The following C1orf53 variants were observed in gnomAD, a reference collection of about 807,000 sequenced individuals.
The protein encoded by C1orf53 is chromosome 1 open reading frame 53, also known as uncharacterized protein C1orf53.
C1orf53 carries 23 observed loss-of-function variants against 17.5 expected under a neutral mutation model. That is an observed-to-expected ratio of 1.31 (90% CI 0.94 to 1.86). The LOEUF (loss-of-function observed/expected upper bound fraction) is 1.86, where lower values mean the gene tolerates loss of function less well. C1orf53 is among the 40% of genes most tolerant of loss of function. The probability of loss-of-function intolerance (pLI) is 0.00; values close to 1 mark genes in which losing one functional copy is unlikely to be tolerated. For synonymous variants in C1orf53, 108 were observed against 81.9 expected (o/e 1.32, Z -1.72); for missense variants, 255 against 193.2 (o/e 1.32, Z -1.89).
intron 1 of C1orf53, among the ~76,000 whole-genome samples, chr1:197,903,620 A>G (rs886276439): frequency 4.1e-4 from 63 of 152,378 alleles, no homozygotes; most frequent in African/African-American, 1.4e-3. Flanking sequence ...TAATAAAGAT[A>G]GAAAAGCAGT....
At chr1:197,906,058 C>T (rs1659519842) in intron 2 of C1orf53, among the ~76,000 whole-genome samples, 161 bp downstream of exon 2, 1 of 152,224 alleles carries the variant, frequency 6.6e-6, no homozygotes, top group Non-Finnish European at 1.5e-5. Flanking sequence ...TTAGTACCAA[C>T]ATAGGACTTT....
intron 2 of C1orf53, 71 bp downstream of exon 2, chr1:197,905,968 G>GACTTGTTGTTCA: frequency 8.8e-7 from 1 of 1,134,324 alleles, no homozygotes; most frequent in Non-Finnish European, 1.3e-6. Flanking sequence ...CCTATTATTT[G>GACTTGTTGTTCA]AACAACAAGT....
At chr1:197,906,631 T>A (rs902519701) in intron 2 of C1orf53, among the ~76,000 whole-genome samples, 1 of 152,224 alleles carries the variant, frequency 6.6e-6, no homozygotes, top group Non-Finnish European at 1.5e-5. Flanking sequence ...TATTACTTTT[T>A]AAAGGCATAG....
Position 197,902,909 on chromosome 1 carries a change from G to C in C1orf53, c.260G>C (p.Cys87Ser). 2 of 1,465,338 alleles carry C rather than the reference G, an allele frequency of 1.4e-6. No homozygotes were observed. Among genetic ancestry groups the C allele is most frequent in the Non-Finnish European group, 1.8e-6 (2 of 1,111,660 alleles). The allele number at this position is 1,465,338 out of a possible 1,614,324, so 90.8% of individuals were successfully genotyped here. Residue 87 changes from cysteine to serine, a missense_variant, in exon 1 of 3, where the codon TGC becomes TCC. Physicochemically the swap from Cys to Ser is moderately radical, Grantham distance 112. Coordinates refer to ENST00000367393, the MANE Select transcript of C1orf53 (RefSeq NM_001024594.3). ...RQIAELHAAA[C>S]AAGQLNYVDP... is the part of the protein sequence containing the mutation. ...ATCGCGGAGCTGCACGCTGCCGCCT[G>C]CGCGGTGAGACTCCCTCCTGCCCGC... is the stretch of plus-strand genomic sequence containing the variant.
At chr1:197,905,139 A>G (rs1448568014) in intron 1 of C1orf53, among the ~76,000 whole-genome samples, 1 of 152,240 alleles carries the variant, frequency 6.6e-6, no homozygotes, top group Non-Finnish European at 1.5e-5. Flanking sequence ...GACATTTGAA[A>G]TAGTACAATA....
In C1orf53 at chr1:197,905,272, A is replaced by G. The variant is rs575397053; in HGVS notation, c.265-524A>G. On this transcript the variant is annotated intron_variant, in intron 1 of 2. Transcript: ENST00000367393. ...AAAAAAAAATAGTATAAAATGTGCA[A>G]TGAAGTAACACATGAAGGTAAAGAA... is the stretch of plus-strand genomic sequence containing the variant. Among the ~76,000 whole-genome samples the G allele has an allele frequency of 1.3e-4, 20 of 152,352 alleles. No homozygotes were observed. The South Asian group carries it at 3.9e-3, about 30-fold the overall frequency.
In C1orf53 at chr1:197,902,922, C is replaced by A. The variant is rs555196816; in HGVS notation, c.264+9C>A. 29 of 1,385,008 alleles carry A rather than the reference C, an allele frequency of 2.1e-5. No individual in the cohort carries two copies. In the African/African-American group the frequency reaches 3.9e-4, roughly 19 times the overall value. 85.8% of individuals were successfully genotyped at this position (1,385,008 alleles called of 1,614,324 possible). A position where few individuals can be genotyped will look rare whatever the true frequency, so the allele number is the denominator to read the frequency against. On this transcript the variant is annotated intron_variant, in intron 1 of 2. Transcript: ENST00000367393. Reference sequence around the variant, plus strand: ...ACGCTGCCGCCTGCGCGGTGAGACTCCCTCCTGCCCGCCCCGCCCCGCCGC... The same window carrying A: ...ACGCTGCCGCCTGCGCGGTGAGACTACCTCCTGCCCGCCCCGCCCCGCCGC...
rs146930540 is a variant in C1orf53 at position 197,903,954 on chromosome 1, G to C, written c.264+1041G>C. Among the ~76,000 whole-genome samples, 10 of 152,338 alleles carry C rather than the reference G, an allele frequency of 6.6e-5. No homozygotes were observed. The Middle Eastern group carries it at 0.01, about 155-fold the overall frequency. On this transcript the variant is annotated intron_variant, in intron 1 of 2. Coordinates refer to ENST00000367393, the MANE Select transcript of C1orf53 (RefSeq NM_001024594.3). ...TAGATATGGTGGATATTAAAGAAAA[G>C]TGTCATTCTCCTTAGAGCAAACACC...
At chr1:197,904,199 T>TAGCAGATAGCAGATAG (rs1659485339) in intron 1 of C1orf53, among the ~76,000 whole-genome samples, 1 of 152,218 alleles carries the variant, frequency 6.6e-6, no homozygotes, top group Non-Finnish European at 1.5e-5. Context: ...AGCAGATAGC[T>TAGCAGATAGCAGATAG]CTCTTACCTT....
intron 2 of C1orf53, 80 bp from the exon 3 acceptor site, chr1:197,907,068 CT>C: frequency 1.2e-6 from 1 of 846,620 alleles, no homozygotes; most frequent in Non-Finnish European, 1.8e-6. Flanking sequence ...TTAACAGTCT[CT>C]TTTTGTCACC....
At chr1:197,906,392 C>T (rs548069792) in intron 2 of C1orf53, among the ~76,000 whole-genome samples, 47 of 151,704 alleles carry the variant, frequency 3.1e-4, no homozygotes, top group African/African-American at 1.0e-3. Context: ...CTCTCTCTCT[C>T]ATTCTGTTCC....
Position 197,902,908 on chromosome 1 carries a change from T to C in C1orf53, c.259T>C (p.Cys87Arg), listed in dbSNP as rs1357874383. 6.8e-7 allele frequency: 1 copy of C among 1,466,272 alleles called. No individual in the cohort carries two copies. The highest frequency in any genetic ancestry group is 9.0e-7 in the Non-Finnish European group (1 of 1,112,118). 90.8% of individuals were successfully genotyped at this position (1,466,272 alleles called of 1,614,324 possible). A position where few individuals can be genotyped will look rare whatever the true frequency, so the allele number is the denominator to read the frequency against. Residue 87 changes from cysteine (C) to arginine (R), a missense_variant, in exon 1 of 3, where the codon TGC becomes CGC. Coordinates refer to ENST00000367393, the MANE Select transcript of C1orf53 (RefSeq NM_001024594.3). ...GATCGCGGAGCTGCACGCTGCCGCC[T>C]GCGCGGTGAGACTCCCTCCTGCCCG... Reference protein sequence around the residue: ...RQIAELHAAACAAGQLNYVDP... With the variant: ...RQIAELHAAARAAGQLNYVDP...
intron 1 of C1orf53, among the ~76,000 whole-genome samples, chr1:197,903,122 A>C (rs965988915): frequency 6.6e-6 from 1 of 152,302 alleles, no homozygotes; most frequent in African/African-American, 2.4e-5. Context: ...TGTCTTGAGT[A>C]TGAGTGTGAT....
At chr1:197,902,958 G>A in intron 1 of C1orf53, 45 bp downstream of exon 1, 3 of 1,332,750 alleles carry the variant, frequency 2.3e-6, no homozygotes, top group Non-Finnish European at 2.9e-6. Flanking sequence ...GGCCGCCCCG[G>A]GCTCGGCGCG....
rs753614382 is a variant in C1orf53, at chr1:197,902,687, C to T, written c.38C>T (p.Ala13Val). ...ARQIWARTGA[A>V]LCRQPSAAPP... ...CAGATCTGGGCACGGACGGGTGCCG[C>T]GCTCTGCAGGCAACCTTCCGCCGCC... The change falls in exon 1 of 3, where the codon GCG becomes GTG. Residue 13 changes from alanine (A) to valine (V), a missense_variant. Transcript: ENST00000367393. The T allele has an allele frequency of 2.0e-6, 3 of 1,505,696 alleles. No individual in the cohort carries two copies. Among genetic ancestry groups the T allele is most frequent in the Non-Finnish European group, 2.6e-6 (3 of 1,134,712 alleles). 93.3% of individuals were successfully genotyped at this position (1,505,696 alleles called of 1,614,324 possible). A position where few individuals can be genotyped will look rare whatever the true frequency, so the allele number is the denominator to read the frequency against.
intron 2 of C1orf53, among the ~76,000 whole-genome samples, chr1:197,906,154 T>A (rs1047322543): frequency 6.6e-6 from 1 of 152,204 alleles, no homozygotes; most frequent in Non-Finnish European, 1.5e-5. Flanking sequence ...AGCTCTTTAT[T>A]ACAAGGAAAC....
chr1:197,902,805 C>A lies in C1orf53; in HGVS notation c.156C>A (p.Ser52=). ...CPANEGNCGG[S]APSTPGRPER... ...CTAACGAGGGAAACTGCGGCGGCTCCGCGCCCAGCACGCCCGGTAGGCCGG... is the reference window on the plus strand; with the variant it reads ...CTAACGAGGGAAACTGCGGCGGCTCAGCGCCCAGCACGCCCGGTAGGCCGG... Residue 52 remains serine, a synonymous_variant, in exon 1 of 3, where the codon TCC becomes TCA. Coordinates refer to ENST00000367393, the MANE Select transcript of C1orf53 (RefSeq NM_001024594.3). 1 of 1,578,380 alleles carries A rather than the reference C, an allele frequency of 6.3e-7. No individual in the cohort carries two copies. The highest frequency in any genetic ancestry group is 1.1e-5 in the South Asian group (1 of 87,086).
Position 197,907,167 on chromosome 1 carries a change from A to C in C1orf53, c.385A>C (p.Asn129His). The change falls in exon 3 of 3, where the codon AAT (asparagine) becomes CAT (histidine). Residue 129 changes from asparagine to histidine, a missense_variant. Physicochemically the swap from Asn to His is moderately conservative, Grantham distance 68 (BLOSUM62 1). Coordinates refer to ENST00000367393, the MANE Select transcript of C1orf53 (RefSeq NM_001024594.3). ...ACRHCPYGQVNVKDPSKKKQF... is the reference protein window; with the variant it reads ...ACRHCPYGQVHVKDPSKKKQF... ...TCTGCAGTGTCCATATGGTCAAGTC[A>C]ATGTTAAAGATCCATCTAAAAAGAA... 6.3e-7 allele frequency: 1 copy of C among 1,577,064 alleles called. No homozygotes were observed. Among genetic ancestry groups the C allele is most frequent in the Non-Finnish European group, 8.7e-7 (1 of 1,153,394 alleles).
chr1:197,905,214 C>T (rs533454543), intron 1 of C1orf53, among the ~76,000 whole-genome samples: 1 of 151,356 alleles, frequency 6.6e-6, no homozygotes, highest in Non-Finnish European at 1.5e-5. Context: ...ATACTTTTTT[C>T]ACTTAAAAAT....
Sources: gnomAD v4.1 joint callset for allele counts (sites outside exome capture counted in the v4.1 genomes callset) on GRCh38, gnomAD v4.1.1 for gene constraint, MANE v1.5 for transcripts, NCBI Gene and HGNC (gene_info 2026-07-23, HGNC 2026-07-21) for gene names.